Variants in SNTG1 observed in about 807,000 individuals in gnomAD.
The protein encoded by SNTG1 is gamma-1-syntrophin.
Under a neutral mutation model 74.7 loss-of-function variants are expected in SNTG1, and 39 were observed. The observed-to-expected ratio is 0.52, with a 90% CI of 0.40 to 0.68. SNTG1 has a LOEUF of 0.68. Among genes scored for constraint, SNTG1 ranks in the 30% least tolerant of loss-of-function variants. The pLI is 0.00. For missense variants in SNTG1, 685 were observed against 609.5 expected (o/e 1.12, Z -1.30); for synonymous variants, 254 against 217.1 (o/e 1.17, Z -1.49).
intron 9 of SNTG1, among the ~76,000 whole-genome samples, chr8:50,514,545 C>G (rs981447897): frequency 6.6e-6 from 1 of 152,078 alleles, no homozygotes; most frequent in Non-Finnish European, 1.5e-5. Flanking sequence ...TTTCAGTTCT[C>G]TCTCTGCTAT....
At chr8:50,259,285 G>A (rs2087037709) in intron 2 of SNTG1, among the ~76,000 whole-genome samples, 1 of 151,962 alleles carries the variant, frequency 6.6e-6, no homozygotes, top group South Asian at 2.1e-4. Context: ...GATCACCTGA[G>A]GTCAGGAGTT....
intron 1 of SNTG1, among the ~76,000 whole-genome samples, chr8:49,972,210 C>T (rs559994008): frequency 8.5e-5 from 13 of 152,156 alleles, no homozygotes; most frequent in Middle Eastern, 3.4e-3. Flanking sequence ...GAAATAATGC[C>T]GCATATCTAC....
chr8:50,521,864 A>G (rs1459154186), intron 9 of SNTG1, among the ~76,000 whole-genome samples: 1 of 152,110 alleles, frequency 6.6e-6, no homozygotes, highest in Non-Finnish European at 1.5e-5. Context: ...GTAATTCTCC[A>G]GCTATTTCCA....
intron 1 of SNTG1, among the ~76,000 whole-genome samples, chr8:50,072,003 T>C (rs569010103): frequency 6.6e-5 from 10 of 152,326 alleles, no homozygotes; most frequent in African/African-American, 2.4e-4. Flanking sequence ...ATTTAAATTA[T>C]CAAAATACAG....
chr8:50,320,975 A>G (rs2090506280), intron 2 of SNTG1, among the ~76,000 whole-genome samples: 1 of 152,116 alleles, frequency 6.6e-6, no homozygotes, highest in South Asian at 2.1e-4. Flanking sequence ...GAGGAAAAAA[A>G]TATGTATTTT....
At chr8:50,410,303 A>G (rs189716624) in intron 4 of SNTG1, among the ~76,000 whole-genome samples, 375 of 152,274 alleles carry the variant, frequency 2.5e-3, no homozygotes, top group Non-Finnish European at 4.2e-3. Context: ...TTCCCACATC[A>G]CAGAGCTACT....
At chr8:50,719,318 T>C (rs961302349) in intron 17 of SNTG1, among the ~76,000 whole-genome samples, 3 of 152,010 alleles carry the variant, frequency 2.0e-5, no homozygotes, top group Non-Finnish European at 4.4e-5. Flanking sequence ...ATAAAAGAAG[T>C]TGAAGTGGTG....
At chr8:50,331,678 TAGC>T (rs2090972058) in intron 2 of SNTG1, among the ~76,000 whole-genome samples, 1 of 152,160 alleles carries the variant, frequency 6.6e-6, no homozygotes, top group Non-Finnish European at 1.5e-5. Context: ...GCATGAGAGA[TAGC>T]AGTAGCTTGA....
chr8:50,657,788 TCC>T (rs2095192897), intron 14 of SNTG1, among the ~76,000 whole-genome samples: 1 of 152,140 alleles, frequency 6.6e-6, no homozygotes, highest in Non-Finnish European at 1.5e-5. Flanking sequence ...ATATTCTATA[TCC>T]TAGTTATTGA....
rs75133662 is a variant in SNTG1 at position 50,231,803 on chromosome 8, A to G, written c.-28+59168A>G. Among the ~76,000 whole-genome samples, 29 of 151,448 alleles carry G rather than the reference A, an allele frequency of 1.9e-4. No homozygotes were observed. The East Asian group carries it at 4.4e-3, about 23-fold the overall frequency. On this transcript the variant is annotated intron_variant, in intron 2 of 18. Transcript: ENST00000642720. ...GCTTTATTTTTTAAATCAGTAGCAC[A>G]ATATGCTGAATATTGTTAATAACTG...
intron 2 of SNTG1, among the ~76,000 whole-genome samples, chr8:50,309,003 CTGATAGAACACAAATGTG>C (rs2090005580): frequency 1.3e-5 from 2 of 152,000 alleles, no homozygotes; most frequent in African/African-American, 4.8e-5. Context: ...AAAGGCTTTC[CTGATAGAACACAAATGTG>C]TCTTCCCAAA....
chr8:50,251,492 C>T (rs1009954094), intron 2 of SNTG1, among the ~76,000 whole-genome samples: 13 of 151,760 alleles, frequency 8.6e-5, no homozygotes, highest in Admixed American at 3.3e-4. Flanking sequence ...ATGCACTTCA[C>T]TGTTAAACAC....
At chr8:49,935,201 A>AAG (rs1807945393) in intron 1 of SNTG1, among the ~76,000 whole-genome samples, 1 of 94,324 alleles carries the variant, frequency 1.1e-5, no homozygotes, top group Non-Finnish European at 2.0e-5. Flanking sequence ...AGCCAAGCAG[A>AAG]AGTGTGTGTG....
At chr8:50,165,123 T>C (rs2082568120) in intron 1 of SNTG1, among the ~76,000 whole-genome samples, 1 of 152,142 alleles carries the variant, frequency 6.6e-6, no homozygotes, top group Non-Finnish European at 1.5e-5. Flanking sequence ...CAGTGTTGAG[T>C]TCTGCTTTGA....
intron 2 of SNTG1, among the ~76,000 whole-genome samples, chr8:50,263,178 A>G (rs1405480114): frequency 6.6e-6 from 1 of 152,182 alleles, no homozygotes; most frequent in Non-Finnish European, 1.5e-5. Flanking sequence ...AGATATTGAT[A>G]AGGGGATAGG....
intron 1 of SNTG1, among the ~76,000 whole-genome samples, chr8:50,002,938 A>G (rs955881692): frequency 2.0e-5 from 3 of 152,184 alleles, no homozygotes; most frequent in Non-Finnish European, 4.4e-5. Flanking sequence ...GTACTGATAC[A>G]TGCTACAACA....
chr8:50,233,593 A>T (rs575690809), intron 2 of SNTG1, among the ~76,000 whole-genome samples: 1 of 151,860 alleles, frequency 6.6e-6, no homozygotes, highest in African/African-American at 2.4e-5. Context: ...TAGCTTTGAA[A>T]ATTCTGTTAA....
At position 50,213,920 on chromosome 8, in the gene SNTG1, G is replaced by T. The variant is rs980630591; in HGVS notation, c.-28+41285G>T. ...TGGTAGTTTCTTTTGCTGTGCAGAA[G>T]CTCTTTAGTTTAATTAGATCCCATT... is the stretch of plus-strand genomic sequence containing the variant. On this transcript the variant is annotated intron_variant, in intron 2 of 18. Transcript: ENST00000642720. Among the ~76,000 whole-genome samples, 26 of 151,910 alleles carry T rather than the reference G, an allele frequency of 1.7e-4. 1 individual carries two copies. Among genetic ancestry groups the T allele is most frequent in the African/African-American group, 6.3e-4 (26 of 41,422 alleles).
At chr8:50,363,080 A>G (rs1282250468) in intron 2 of SNTG1, among the ~76,000 whole-genome samples, 2 of 152,180 alleles carry the variant, frequency 1.3e-5, no homozygotes, top group Non-Finnish European at 2.9e-5. Flanking sequence ...TTTTATATTT[A>G]TTTTTAAGGC....
Sources: gnomAD v4.1 joint callset for allele counts (sites outside exome capture counted in the v4.1 genomes callset) on GRCh38, gnomAD v4.1.1 for gene constraint, MANE v1.5 for transcripts, NCBI Gene and HGNC (gene_info 2026-07-23, HGNC 2026-07-21) for gene names.